The following ART1 variants were observed in gnomAD, a reference collection of about 807,000 sequenced individuals.
ART1 encodes ADP-ribosyltransferase 1.
In ART1, 29 loss-of-function variants were observed where a neutral mutation model predicts 27.0. The observed-to-expected ratio is 1.08, with a 90% confidence interval of 0.80 to 1.47. The LOEUF (loss-of-function observed/expected upper bound fraction) is 1.47. Ranked by LOEUF, ART1 falls within the 40% of genes most tolerant of loss-of-function variation. ART1 has a pLI of 0.00. For synonymous variants in ART1, 201 were observed against 172.2 expected, an observed-to-expected ratio of 1.17 and a Z score of -1.31; for missense variants, 480 against 423.0, an observed-to-expected ratio of 1.13 and a Z score of -1.18.
chr11:3,650,109 G>C (rs375861413), intron 1 of ART1, among the ~76,000 whole-genome samples: 5 of 152,320 alleles, frequency 3.3e-5, no homozygotes, highest in East Asian at 1.9e-4. Context: ...TCCACTGTGA[G>C]ACAAACACCA....
chr11:3,655,815 G>A (rs962818093), intron 1 of ART1, among the ~76,000 whole-genome samples: 3 of 151,682 alleles, frequency 2.0e-5, no homozygotes, highest in African/African-American at 7.3e-5. Context: ...CATAGAATGA[G>A]AAAAGCCCCA....
chr11:3,649,397 G>A (rs537447430), intron 1 of ART1, among the ~76,000 whole-genome samples: 2 of 152,290 alleles, frequency 1.3e-5, no homozygotes, highest in East Asian at 3.9e-4. Context: ...ACGGTCTGAG[G>A]TGCCTGACGT....
At chr11:3,654,999 G>T (rs555840047) in intron 1 of ART1, among the ~76,000 whole-genome samples, 18 of 152,352 alleles carry the variant, frequency 1.2e-4, no homozygotes, top group African/African-American at 4.3e-4. Flanking sequence ...ATTTTGCCGT[G>T]TGCCACAAAA....
intron 4 of ART1, among the ~76,000 whole-genome samples, chr11:3,662,139 T>C (rs747518401): frequency 1.2e-4 from 18 of 152,248 alleles, no homozygotes; most frequent in Admixed American, 3.3e-4. Context: ...TTGAAGGCCA[T>C]GAGGCCAGGC....
Position 3,659,722 on chromosome 11 carries a change from A to T in ART1, c.203A>T (p.Glu68Val). Reference sequence around the variant, plus strand: ...GCTCTCCCGGATCTCAACCACACGGAGTTCCAGGCCAACCAGGTGTATGCA... The same window carrying T: ...GCTCTCCCGGATCTCAACCACACGGTGTTCCAGGCCAACCAGGTGTATGCA... The part of the protein sequence containing the change: ...TAALPDLNHT[E>V]FQANQVYADS... Residue 68 changes from glutamate to valine, a missense_variant, in exon 3 of 5, where the codon GAG becomes GTG. Glu to Val is a moderately radical substitution (Grantham distance 121, BLOSUM62 -2). Coordinates refer to ENST00000250693, the MANE Select transcript of ART1 (RefSeq NM_004314.3). 6.2e-7 allele frequency: 1 copy of T among 1,614,028 alleles called. No individual in the cohort carries two copies. Among genetic ancestry groups the T allele is most frequent in the South Asian group, 1.1e-5 (1 of 91,072 alleles).
chr11:3,655,851 CA>C (rs1022494182), intron 1 of ART1, among the ~76,000 whole-genome samples: 16 of 151,274 alleles, frequency 1.1e-4, no homozygotes, highest in African/African-American at 3.9e-4. Context: ...GGATTCTACA[CA>C]GGAAAGTGAG....
chr11:3,663,094 C>G (rs1460667684), intron 4 of ART1, among the ~76,000 whole-genome samples: 13 of 96,908 alleles, frequency 1.3e-4, no homozygotes, highest in African/African-American at 7.4e-4. Flanking sequence ...ATCTCATCAT[C>G]TCATCTCATC....
intron 1 of ART1, among the ~76,000 whole-genome samples, chr11:3,655,331 AG>A (rs2077564559): frequency 6.6e-6 from 1 of 152,152 alleles, no homozygotes; most frequent in Non-Finnish European, 1.5e-5. Context: ...AAAGTCAGAC[AG>A]AGAAGAGAAA....
chr11:3,661,437 G>C (rs745830679), intron 4 of ART1, 24 bp downstream of exon 4: 1 of 1,606,292 alleles, frequency 6.2e-7, no homozygotes, highest in Non-Finnish European at 8.5e-7. Context: ...GCACCTGTGG[G>C]ACTCAGTTCA....
At chr11:3,647,960 T>C (rs1026177083) in intron 1 of ART1, among the ~76,000 whole-genome samples, 1 of 150,320 alleles carries the variant, frequency 6.7e-6, no homozygotes, top group African/African-American at 2.5e-5. Context: ...GTCAGGCCTC[T>C]GAGCCGAAGC....
chr11:3,648,342 T>C (rs1237215142), intron 1 of ART1, among the ~76,000 whole-genome samples: 2 of 152,200 alleles, frequency 1.3e-5, no homozygotes, highest in African/African-American at 2.4e-5. Context: ...GGGACCTCCC[T>C]TAGGAGATCA....
intron 4 of ART1, among the ~76,000 whole-genome samples, chr11:3,663,129 C>CTCATCTCATCTCA (rs1564787114): frequency 3.3e-4 from 49 of 147,672 alleles, no homozygotes; most frequent in African/African-American, 1.2e-3. Context: ...CTCATCTCAT[C>CTCATCTCATCTCA]TCATCTCATC....
At chr11:3,663,068 C>CTCA (rs1554883227) in intron 4 of ART1, among the ~76,000 whole-genome samples, 3 of 119,306 alleles carry the variant, frequency 2.5e-5, no homozygotes, top group African/African-American at 7.6e-5. Flanking sequence ...CTCATCTCAT[C>CTCA]TCATCTCATC....
chr11:3,649,208 C>G (rs543788429), intron 1 of ART1, among the ~76,000 whole-genome samples: 3 of 152,260 alleles, frequency 2.0e-5, no homozygotes, highest in African/African-American at 7.2e-5. Context: ...AGCCTGTGCT[C>G]TCAAGAACTT....
At chr11:3,652,271 G>A (rs2077529851) in intron 1 of ART1, among the ~76,000 whole-genome samples, 1 of 151,226 alleles carries the variant, frequency 6.6e-6, no homozygotes, top group Non-Finnish European at 1.5e-5. Flanking sequence ...GGCCACCGCA[G>A]TCATTTCTTC....
chr11:3,646,834 A>G (rs2077472584), intron 1 of ART1, among the ~76,000 whole-genome samples: 1 of 152,128 alleles, frequency 6.6e-6, no homozygotes, highest in Admixed American at 6.6e-5. Context: ...TTCATTCAAT[A>G]CATTTTTACT....
At chr11:3,645,874 C>T (rs1213168947) in intron 1 of ART1, among the ~76,000 whole-genome samples, 6 of 152,012 alleles carry the variant, frequency 3.9e-5, no homozygotes, top group African/African-American at 1.4e-4. Context: ...GAAGGGTGTC[C>T]CAAGGAGAGG....
chr11:3,653,423 C>T (rs1397044554), intron 1 of ART1, among the ~76,000 whole-genome samples: 1 of 148,176 alleles, frequency 6.7e-6, no homozygotes, highest in Non-Finnish European at 1.5e-5. Context: ...AGCTCCTCTA[C>T]TGCGCACCTT....
At chr11:3,663,058 CTCATCTCATCTCATCTCA>C (rs1276878046) in intron 4 of ART1, among the ~76,000 whole-genome samples, 5 of 118,392 alleles carry the variant, frequency 4.2e-5, no homozygotes, top group African/African-American at 1.9e-4. Flanking sequence ...CTCATCTCAT[CTCATCTCATCTCATCTCA>C]TCATCTCATC....
Sources: gnomAD v4.1 joint callset for allele counts (sites outside exome capture counted in the v4.1 genomes callset) on GRCh38, gnomAD v4.1.1 for gene constraint, MANE v1.5 for transcripts, NCBI Gene and HGNC (gene_info 2026-07-23, HGNC 2026-07-21) for gene names.